DNAI4: variants seen among roughly 807,000 people sequenced by gnomAD.
DNAI4 encodes the protein WD repeat domain 78.
Under a neutral mutation model 105.8 loss-of-function variants are expected in DNAI4, and 85 were observed. That is an observed-to-expected ratio of 0.80 (90% CI 0.67 to 0.96). DNAI4 has a LOEUF of 0.96. Ranked by LOEUF, DNAI4 falls within the 40% of genes least tolerant of loss-of-function variation. The pLI is 0.00. For synonymous variants in DNAI4, 352 were observed against 331.5 expected, an observed-to-expected ratio of 1.06 and a Z score of -0.67; for missense variants, 1,014 against 1,005.6, an observed-to-expected ratio of 1.01 and a Z score of -0.11.
chr1:66,924,650 G>T lies in DNAI4; in HGVS notation c.170+12C>A, dbSNP rs780717604. 1 of 1,614,080 alleles carries T rather than the reference G, an allele frequency of 6.2e-7. No individual in the cohort carries two copies. Among genetic ancestry groups the T allele is most frequent in the African/African-American group, 1.3e-5 (1 of 74,932 alleles). ...AGGGGGATGGACTACGGTTTTTAGC[G>T]CCGGAACTTACAACCCGAAGTTCTG... On this transcript the variant is annotated intron_variant, in intron 1 of 16. Coordinates refer to ENST00000371026, the MANE Select transcript of DNAI4 (RefSeq NM_024763.5).
At chr1:66,896,912 T>C (rs58606593) in intron 2 of DNAI4, among the ~76,000 whole-genome samples, 6,282 of 152,262 alleles carry the variant, frequency 0.041, 158 homozygotes, top group Non-Finnish European at 0.054. Context: ...AACAAACACC[T>C]GAAAATGTAG....
At chr1:66,879,875 G>A (rs115983988) in intron 4 of DNAI4, among the ~76,000 whole-genome samples, 1,569 of 152,250 alleles carry the variant, frequency 0.01, 26 homozygotes, top group African/African-American at 0.036. Context: ...CTGGGTTGGT[G>A]ATATGGTTTG....
At chr1:66,895,737 A>G (rs1454720736) in intron 2 of DNAI4, among the ~76,000 whole-genome samples, 1 of 152,222 alleles carries the variant, frequency 6.6e-6, no homozygotes, top group Non-Finnish European at 1.5e-5. Context: ...TCAGTTTCAT[A>G]AGAATTTTTA....
chr1:66,893,073 G>GAAAGA (rs1203978288), intron 3 of DNAI4, among the ~76,000 whole-genome samples, 156 bp downstream of exon 3: 1 of 135,956 alleles, frequency 7.4e-6, no homozygotes, highest in Admixed American at 7.1e-5. Context: ...GAGAAAGAAA[G>GAAAGA]AAAGAAAGAA....
At chr1:66,847,445 A>C (rs1375770820) in intron 8 of DNAI4, 39 bp downstream of exon 8, 10 of 1,580,172 alleles carry the variant, frequency 6.3e-6, no homozygotes, top group African/African-American at 1.4e-5. Flanking sequence ...AGCATAAGCA[A>C]CTGCACCCAG....
chr1:66,876,774 A>T (rs1057000435), intron 4 of DNAI4, among the ~76,000 whole-genome samples: 1 of 152,120 alleles, frequency 6.6e-6, no homozygotes, highest in East Asian at 1.9e-4. Context: ...CAATTCTATC[A>T]ATCTGTTTTG....
chr1:66,854,566 C>T (rs940463853), intron 7 of DNAI4, among the ~76,000 whole-genome samples: 1 of 152,088 alleles, frequency 6.6e-6, no homozygotes, highest in Non-Finnish European at 1.5e-5. Flanking sequence ...CACTGGGAGG[C>T]GGAGGCAGGC....
chr1:66,898,621 AGAGTCCCCCACTAGCGAG>A (rs1648540417), intron 2 of DNAI4, among the ~76,000 whole-genome samples: 2 of 152,296 alleles, frequency 1.3e-5, no homozygotes, highest in South Asian at 4.1e-4. Flanking sequence ...GACCCTGCAG[AGAGTCCCCCACTAGCGAG>A]GAGATCCTCA....
At chr1:66,818,657 G>A (rs903706478) in intron 16 of DNAI4, among the ~76,000 whole-genome samples, 6 of 152,110 alleles carry the variant, frequency 3.9e-5, no homozygotes, top group East Asian at 3.9e-4. Flanking sequence ...GGTGGCTCAC[G>A]CCTGTAATCC....
At chr1:66,897,664 C>T (rs866006974) in intron 2 of DNAI4, among the ~76,000 whole-genome samples, 1 of 152,202 alleles carries the variant, frequency 6.6e-6, no homozygotes, top group Non-Finnish European at 1.5e-5. Flanking sequence ...GAGTCAGCCA[C>T]CCCAGCTGTG....
intron 16 of DNAI4, among the ~76,000 whole-genome samples, chr1:66,816,935 A>G (rs1645529802): frequency 6.6e-6 from 1 of 152,120 alleles, no homozygotes; most frequent in Non-Finnish European, 1.5e-5. Context: ...CCAACTATAA[A>G]TGTGTCTACT....
chr1:66,842,535 C>T lies in DNAI4; in HGVS notation c.1292-1864G>A, dbSNP rs1044425843. On this transcript the variant is annotated intron_variant, in intron 8 of 16. Transcript: ENST00000371026. ...CCTAATAAGTAGCTGGGACTACAGG[C>T]GCCTGCCACCATACTCGGCTAAATT... Among the ~76,000 whole-genome samples, 8 of 152,142 alleles carry T rather than the reference C, an allele frequency of 5.3e-5. No individual in the cohort carries two copies. The South Asian group carries it at 6.2e-4, about 12-fold the overall frequency.
At chr1:66,856,447 T>G (rs1646502666) in intron 7 of DNAI4, among the ~76,000 whole-genome samples, 2 of 151,908 alleles carry the variant, frequency 1.3e-5, no homozygotes, top group South Asian at 4.1e-4. Context: ...CACTCCAGCC[T>G]GGGCGACAGA....
chr1:66,815,413 TA>T (rs1271558728), intron 16 of DNAI4, among the ~76,000 whole-genome samples: 2 of 152,218 alleles, frequency 1.3e-5, no homozygotes, highest in Non-Finnish European at 2.9e-5. Context: ...ATCAATGGTT[TA>T]TTTTTTCTGC....
Position 66,893,093 on chromosome 1 carries a change from G to GAAAGA in DNAI4, c.530+131_530+135dup, listed in dbSNP as rs1553227696. Reference sequence around the variant, plus strand: ...AGAAAGAAAGAAAGAAAGAAAGAAAGAAAGAAAGAAAGAAAGAAAGAAAGA... The same window carrying GAAAGA: ...AGAAAGAAAGAAAGAAAGAAAGAAAGAAAGAAAAGAAAGAAAGAAAGAAAGAAAGA... On this transcript the variant is annotated intron_variant, in intron 3 of 16. Transcript: ENST00000371026. 2,121 of 422,462 alleles carry GAAAGA rather than the reference G, an allele frequency of 5.0e-3. 75 individuals carry two copies. The highest frequency in any genetic ancestry group is 0.041 in the African/African-American group (1,930 of 46,772). 26.2% of individuals were successfully genotyped at this position (422,462 alleles called of 1,614,324 possible).
At chr1:66,880,225 G>A (rs1647039381) in intron 4 of DNAI4, among the ~76,000 whole-genome samples, 1 of 152,172 alleles carries the variant, frequency 6.6e-6, no homozygotes, top group African/African-American at 2.4e-5. Context: ...GCATGAAAAT[G>A]GACTAATACA....
intron 7 of DNAI4, among the ~76,000 whole-genome samples, chr1:66,857,642 C>A (rs1268537731): frequency 6.6e-6 from 1 of 151,604 alleles, no homozygotes; most frequent in Non-Finnish European, 1.5e-5. Flanking sequence ...TCAAGCGATT[C>A]TCCTGCCTCA....
chr1:66,815,485 T>C (rs762355691), intron 16 of DNAI4, among the ~76,000 whole-genome samples: 10 of 152,244 alleles, frequency 6.6e-5, no homozygotes, highest in Non-Finnish European at 1.5e-4. Context: ...TCTAAAACTC[T>C]TTTTTGAATA....
At chr1:66,896,458 C>A (rs1383515740) in intron 2 of DNAI4, among the ~76,000 whole-genome samples, 2 of 152,088 alleles carry the variant, frequency 1.3e-5, no homozygotes, top group African/African-American at 4.8e-5. Context: ...CCATTATGAT[C>A]CCTGCTATGG....
Sources: gnomAD v4.1 joint callset for allele counts (sites outside exome capture counted in the v4.1 genomes callset) on GRCh38, gnomAD v4.1.1 for gene constraint, MANE v1.5 for transcripts, NCBI Gene and HGNC (gene_info 2026-07-23, HGNC 2026-07-21) for gene names.